Variants in GBF1 observed in about 807,000 individuals in gnomAD.
The protein encoded by GBF1 is Golgi-specific brefeldin A-resistance guanine nucleotide exchange factor 1.
GBF1 carries 114 observed loss-of-function variants against 210.5 expected under a neutral mutation model. The observed-to-expected ratio is 0.54, with a 90% CI of 0.47 to 0.63. The LOEUF is 0.63. GBF1 is among the 30% of genes least tolerant of loss of function. GBF1 has a pLI of 0.00. For missense variants in GBF1, 1,851 were observed against 2,357.7 expected, an observed-to-expected ratio of 0.79 and a Z score of 4.45; for synonymous variants, 850 against 889.2, an observed-to-expected ratio of 0.96 and a Z score of 0.78.
At chr10:102,245,072 C>T (rs2070692121), upstream of GBF1, among the ~76,000 whole-genome samples, 1 of 152,140 alleles carries the variant, frequency 6.6e-6, no homozygotes, top group Admixed American at 6.5e-5. Flanking sequence ...AGAGCTGCCT[C>T]GAAAAGGAGT....
chr10:102,368,948 C>A (rs375772705), intron 23 of GBF1, 116 bp downstream of exon 23: 13 of 713,296 alleles, frequency 1.8e-5, no homozygotes, highest in South Asian at 6.8e-5. Flanking sequence ...TCACTGCCCC[C>A]ACTTGAATAT....
the GBF1 span, among the ~76,000 whole-genome samples, chr10:102,239,390 GAC>G: frequency 1.3e-5 from 2 of 152,176 alleles, no homozygotes; most frequent in African/African-American, 4.8e-5. Context: ...TTCCTTTCCT[GAC>G]ACAGAGTCCT....
chr10:102,258,509 C>T (rs11191246), intron 1 of GBF1, among the ~76,000 whole-genome samples: 7 of 149,412 alleles, frequency 4.7e-5, no homozygotes, highest in African/African-American at 7.3e-5. Context: ...CAGTGGCTCA[C>T]GCCTGTAATC....
intron 3 of GBF1, among the ~76,000 whole-genome samples, chr10:102,273,025 G>T (rs1334385421): frequency 6.6e-6 from 1 of 152,088 alleles, no homozygotes; most frequent in Non-Finnish European, 1.5e-5. Context: ...GCAATAAAGG[G>T]GAAAAAAGAA....
rs569693825 is a variant in GBF1 at position 102,311,844 on chromosome 10, A to G, written c.164-32207A>G. Among the ~76,000 whole-genome samples the G allele has an allele frequency of 2.6e-5, 4 of 152,304 alleles. No homozygotes were observed. The South Asian group carries it at 6.2e-4, about 24-fold the overall frequency. ...CCATTTCAGGGCATTTCCCCAGCAAATAAGAGTCTTTCATCCCTTGTGTTT... is the reference window on the plus strand; with the variant it reads ...CCATTTCAGGGCATTTCCCCAGCAAGTAAGAGTCTTTCATCCCTTGTGTTT... On this transcript the variant is annotated intron_variant, in intron 3 of 39. Transcript: ENST00000369983.
intron 1 of GBF1, among the ~76,000 whole-genome samples, chr10:102,248,146 G>A (rs2071066282): frequency 1.3e-5 from 2 of 152,186 alleles, no homozygotes; most frequent in South Asian, 4.1e-4. Flanking sequence ...GTGGCTCTGT[G>A]TGACTGATTA....
In GBF1 at chr10:102,358,663, A is replaced by G. The variant is rs759502796; in HGVS notation, c.945A>G (p.Pro315=). ...DLTDLEQPGS[P]GYSTATEPGS... ...CTGATCTAGAGCAACCTGGCTCTCC[A>G]GGGTACAGCACAGCTACAGAGCCTG... The change falls in exon 10 of 40, where the codon CCA becomes CCG. Residue 315 remains proline, a synonymous_variant. Coordinates refer to ENST00000369983, the MANE Select transcript of GBF1 (RefSeq NM_001377137.1). 3.1e-6 allele frequency: 5 copies of G among 1,614,152 alleles called. No homozygotes were observed. The highest frequency in any genetic ancestry group is 4.2e-6 in the Non-Finnish European group (5 of 1,179,984).
intron 3 of GBF1, among the ~76,000 whole-genome samples, chr10:102,294,432 A>G (rs1436034458): frequency 2.0e-5 from 3 of 146,386 alleles, no homozygotes; most frequent in African/African-American, 7.6e-5. Flanking sequence ...CCCAGGCTGG[A>G]GTGCAGTGGC....
intron 3 of GBF1, among the ~76,000 whole-genome samples, chr10:102,340,025 C>G (rs1209675682): frequency 6.6e-6 from 1 of 150,454 alleles, no homozygotes; most frequent in East Asian, 2.0e-4. Flanking sequence ...ACGATCTCAG[C>G]TCACTGCAGC....
upstream of GBF1, among the ~76,000 whole-genome samples, chr10:102,244,904 A>G (rs1372226400): frequency 6.6e-6 from 1 of 152,036 alleles, no homozygotes; most frequent in Non-Finnish European, 1.5e-5. Flanking sequence ...CATTTTCTCT[A>G]TTTCTGGATG....
At chr10:102,231,205 A>T in the GBF1 span, 7 of 1,133,768 alleles carry the variant, frequency 6.2e-6, no homozygotes, top group Admixed American at 2.1e-4. Context: ...GCGGTCAATA[A>T]ACGAGATGAG....
At chr10:102,266,889 A>G (rs2073920953) in intron 3 of GBF1, among the ~76,000 whole-genome samples, 1 of 152,172 alleles carries the variant, frequency 6.6e-6, no homozygotes, top group South Asian at 2.1e-4. Context: ...TTATTTAAGT[A>G]TAGTTTATCC....
Position 102,358,059 on chromosome 10 carries a change from C to A in GBF1, c.660C>A (p.Gly220=). The change falls in exon 9 of 40, where the codon GGC becomes GGA. Residue 220 remains glycine, a synonymous_variant. Coordinates refer to ENST00000369983, the MANE Select transcript of GBF1 (RefSeq NM_001377137.1). ...TCCAGCTGAAAATGAGAGCCGGAGG[C>A]ATGAGTGATTCATCCAAATGGAAGA... ...NMKKLKMRAG[G]MSDSSKWKKQ... 1 of 1,607,544 alleles carries A rather than the reference C, an allele frequency of 6.2e-7. No homozygotes were observed. The highest frequency in any genetic ancestry group is 8.5e-7 in the Non-Finnish European group (1 of 1,174,052).
chr10:102,379,904 G>T lies in GBF1; in HGVS notation c.4828G>T (p.Val1610Leu). 6.2e-7 allele frequency: 1 copy of T among 1,613,942 alleles called. No individual in the cohort carries two copies. Among genetic ancestry groups the T allele is most frequent in the Non-Finnish European group, 8.5e-7 (1 of 1,179,844 alleles). Residue 1610 changes from valine (V) to leucine (L), a missense_variant, in exon 36 of 40, where the codon GTG becomes TTG. Transcript: ENST00000369983. ...CTTGGAGAACATCAGCCCTGCAGAT[G>T]TGGGTGGGATGGAGGAGACCCGGAT... ...KLLENISPAD[V>L]GGMEETRMRA... is the part of the protein sequence containing the mutation.
intron 8 of GBF1, among the ~76,000 whole-genome samples, chr10:102,357,132 CTCCT>C (rs1434777987): frequency 2.0e-5 from 3 of 152,164 alleles, no homozygotes. Context: ...TGGGAGGCCA[CTCCT>C]TCCTTAACTC....
At chr10:102,378,698 C>T (rs1404497096) in intron 33 of GBF1, among the ~76,000 whole-genome samples, 1 of 152,092 alleles carries the variant, frequency 6.6e-6, no homozygotes, top group Non-Finnish European at 1.5e-5. Context: ...AATCCTAAAA[C>T]TTTGGGAGGA....
the GBF1 span, chr10:102,231,009 C>A: frequency 6.3e-7 from 1 of 1,598,946 alleles, no homozygotes; most frequent in Non-Finnish European, 8.5e-7. Context: ...GCACCAGCCC[C>A]CCGAGCGGCG....
At chr10:102,364,914 T>C (rs1345520670) in intron 17 of GBF1, among the ~76,000 whole-genome samples, 2 of 152,172 alleles carry the variant, frequency 1.3e-5, no homozygotes, top group Non-Finnish European at 2.9e-5. Flanking sequence ...CTTTGGTTCA[T>C]GTGTGCCCTT....
the GBF1 span, among the ~76,000 whole-genome samples, chr10:102,237,438 G>A: frequency 6.6e-6 from 1 of 152,190 alleles, no homozygotes; most frequent in African/African-American, 2.4e-5. Context: ...GGCCACGGGA[G>A]ATCTGCAGAG....
Sources: gnomAD v4.1 joint callset for allele counts (sites outside exome capture counted in the v4.1 genomes callset) on GRCh38, gnomAD v4.1.1 for gene constraint, MANE v1.5 for transcripts, NCBI Gene and HGNC (gene_info 2026-07-23, HGNC 2026-07-21) for gene names.